The following BRAF variants were observed in gnomAD, a reference collection of about 807,000 sequenced individuals.
BRAF encodes B-Raf proto-oncogene, serine/threonine kinase.
BRAF carries 16 observed loss-of-function variants against 104.6 expected under a neutral mutation model. The ratio of observed to expected loss-of-function variants is 0.15; its 90% CI spans 0.10 to 0.23. BRAF has a LOEUF of 0.23. BRAF is among the 10% of genes least tolerant of loss of function. The pLI is 1.00. For missense variants in BRAF, 541 were observed against 937.3 expected (o/e 0.58, Z 5.52); for synonymous variants, 310 against 341.6 (o/e 0.91, Z 1.02).
chr7:140,790,947 A>G (rs1039289203), intron 8 of BRAF, among the ~76,000 whole-genome samples: 1 of 152,114 alleles, frequency 6.6e-6, no homozygotes, highest in Non-Finnish European at 1.5e-5. Context: ...CTAAAAATAC[A>G]AAAATTAGCT....
intron 19 of BRAF, chr7:140,733,338 A>G (rs1796126454): frequency 6.7e-6 from 1 of 149,758 alleles, no homozygotes; most frequent in African/African-American, 2.5e-5. Flanking sequence ...TCTATTGGCT[A>G]CATTTAAAAA....
At position 140,822,736 on chromosome 7, in the gene BRAF, G is replaced by A. The variant is rs141222859; in HGVS notation, c.504+11873C>T. On this transcript the variant is annotated intron_variant, in intron 3 of 19. Transcript: ENST00000644969. ...TATGACAAAGCAACTAAGAACATTC[G>A]TATACAAATCTTTCTACGAACATAT... Among the ~76,000 whole-genome samples, 136 of 152,270 alleles carry A rather than the reference G, an allele frequency of 8.9e-4. No individual in the cohort carries two copies. The East Asian group carries it at 0.018, about 20-fold the overall frequency.
intron 14 of BRAF, among the ~76,000 whole-genome samples, chr7:140,768,957 C>T (rs1256552757): frequency 2.0e-5 from 3 of 152,178 alleles, no homozygotes; most frequent in Non-Finnish European, 2.9e-5. Flanking sequence ...ATGTTAGCAC[C>T]AATGCCCTTG....
At position 140,724,114 on chromosome 7, in the gene BRAF, T is replaced by C. The variant is rs1795463559; in HGVS notation, c.*2380A>G. 2.9e-6 allele frequency: 3 copies of C among 1,051,584 alleles called. No individual in the cohort carries two copies. Among genetic ancestry groups the C allele is most frequent in the East Asian group, 1.1e-4 (2 of 18,424 alleles). 65.1% of individuals were successfully genotyped at this position (1,051,584 alleles called of 1,614,324 possible). ...CCCGTTCAAATGAGATACCAGCCTA[T>C]TCTAAAATGCAAGGGAAGAAAAAGT... On this transcript the variant is annotated 3_prime_UTR_variant, in exon 20 of 20. Transcript: ENST00000644969.
At chr7:140,777,186 G>T in intron 13 of BRAF, 98 bp from the exon 13 acceptor site, 7 of 1,265,414 alleles carry the variant, frequency 5.5e-6, no homozygotes, top group African/African-American at 1.5e-5. Context: ...AATGTTGTCA[G>T]AAAAAGCTTT....
chr7:140,891,517 CT>C (rs1388884657), intron 1 of BRAF, among the ~76,000 whole-genome samples: 1 of 151,946 alleles, frequency 6.6e-6, no homozygotes, highest in Admixed American at 6.6e-5. Context: ...TTACTTTTTA[CT>C]GTTTTCCTAA....
chr7:140,879,778 T>C, intron 1 of BRAF, among the ~76,000 whole-genome samples: 1 of 149,978 alleles, frequency 6.7e-6, no homozygotes. Context: ...TCGCCCAGGG[T>C]GGGAGTACAG....
chr7:140,913,927 GTTTC>G (rs1189584777), intron 1 of BRAF, among the ~76,000 whole-genome samples: 4 of 152,100 alleles, frequency 2.6e-5, no homozygotes, highest in Non-Finnish European at 5.9e-5. Flanking sequence ...GCCACTTCAT[GTTTC>G]TTTAATTAAA....
chr7:140,892,469 C>A (rs970250341), intron 1 of BRAF, among the ~76,000 whole-genome samples: 1 of 152,172 alleles, frequency 6.6e-6, no homozygotes, highest in Non-Finnish European at 1.5e-5. Context: ...AACACAGTAT[C>A]CCCCCTCATT....
intron 1 of BRAF, among the ~76,000 whole-genome samples, chr7:140,910,773 G>GCAAT (rs2054410939): frequency 6.6e-6 from 1 of 152,098 alleles, no homozygotes; most frequent in Admixed American, 6.6e-5. Context: ...CTGGGTTCAA[G>GCAAT]CAATCCTCCC....
chr7:140,729,566 G>A (rs1334293915), intron 19 of BRAF, among the ~76,000 whole-genome samples: 1 of 152,080 alleles, frequency 6.6e-6, no homozygotes, highest in African/African-American at 2.4e-5. Flanking sequence ...CAGATCACCT[G>A]AGCTCAGCAG....
intron 14 of BRAF, among the ~76,000 whole-genome samples, chr7:140,766,809 T>A (rs935974761): frequency 6.6e-6 from 1 of 151,864 alleles, no homozygotes; most frequent in Non-Finnish European, 1.5e-5. Context: ...CTCAGCCTCC[T>A]AAAGTGCTTG....
At chr7:140,800,533 T>C in intron 6 of BRAF, 52 bp from the exon 7 acceptor site, 3 of 1,613,224 alleles carry the variant, frequency 1.9e-6, no homozygotes, top group South Asian at 1.1e-5. Context: ...AGAAGCTTCA[T>C]ATACCAAAAT....
chr7:140,783,962 T>A (rs1801119398), intron 10 of BRAF, among the ~76,000 whole-genome samples: 1 of 152,196 alleles, frequency 6.6e-6, no homozygotes, highest in Admixed American at 6.5e-5. Flanking sequence ...TGATCTCTGT[T>A]GGCAGGGTTG....
At chr7:140,742,151 G>C (rs1186888780) in intron 17 of BRAF, among the ~76,000 whole-genome samples, 4 of 152,058 alleles carry the variant, frequency 2.6e-5, no homozygotes, top group Non-Finnish European at 5.9e-5. Context: ...GGGGTTACAG[G>C]AAGACTTTGC....
At chr7:140,824,680 T>G (rs1181211603) in intron 3 of BRAF, among the ~76,000 whole-genome samples, 1 of 151,976 alleles carries the variant, frequency 6.6e-6, no homozygotes, top group South Asian at 2.1e-4. Context: ...GTTGGGATTT[T>G]GAAAAGGTTT....
Position 140,884,284 on chromosome 7 carries a change from C to T in BRAF, c.139-34072G>A, listed in dbSNP as rs938576510. 2.0e-5 allele frequency: 3 copies of T among 151,690 alleles called. No homozygotes were observed. In the South Asian group the frequency reaches 6.2e-4, roughly 32 times the overall value. 9.4% of individuals were successfully genotyped at this position (151,690 alleles called of 1,614,324 possible). ...GCAGTTTTTGGAAATACGGAGAAAA[C>T]CACACTCCTAATTTCTAGAAGAACA... On this transcript the variant is annotated intron_variant, in intron 1 of 19. Coordinates refer to ENST00000644969, the MANE Select transcript of BRAF (RefSeq NM_001374258.1).
downstream of BRAF, among the ~76,000 whole-genome samples, chr7:140,715,096 G>A (rs530026657): frequency 3.3e-5 from 5 of 152,292 alleles, no homozygotes; most frequent in African/African-American, 7.2e-5. Flanking sequence ...TGAATGCAGC[G>A]AGCAGCCTCT....
chr7:140,830,767 T>C (rs1041758039), intron 3 of BRAF, among the ~76,000 whole-genome samples: 6 of 152,188 alleles, frequency 3.9e-5, no homozygotes, highest in African/African-American at 1.4e-4. Flanking sequence ...GCTGAACATT[T>C]GGAGGTAGTG....
Sources: allele counts gnomAD v4.1 joint callset (sites outside exome capture counted in the v4.1 genomes callset), GRCh38; gene constraint gnomAD v4.1.1; transcripts MANE v1.5; gene names NCBI Gene and HGNC (gene_info 2026-07-23, HGNC 2026-07-21).